The following SIRPG variants were observed in gnomAD, a reference collection of about 807,000 sequenced individuals.
The protein encoded by SIRPG is signal-regulatory protein gamma.
SIRPG carries 38 observed loss-of-function variants against 35.7 expected under a neutral mutation model. The ratio of observed to expected loss-of-function variants is 1.06; its 90% CI spans 0.82 to 1.40. SIRPG has a LOEUF of 1.40. Ranked by LOEUF, SIRPG falls within the 40% of genes most tolerant of loss-of-function variation. The probability of loss-of-function intolerance (pLI) is 0.00; values close to 1 mark genes in which losing one functional copy is unlikely to be tolerated. For synonymous variants in SIRPG, 215 were observed against 190.4 expected (o/e 1.13, Z -1.06); for missense variants, 519 against 483.0 (o/e 1.07, Z -0.70).
the SIRPG span, among the ~76,000 whole-genome samples, chr20:1,677,064 G>T: frequency 2.1e-5 from 3 of 144,248 alleles, no homozygotes; most frequent in African/African-American, 8.8e-5. Context: ...GTTGTGACAT[G>T]AGACTGTATT....
intron 4 of SIRPG, among the ~76,000 whole-genome samples, chr20:1,630,998 C>G (rs971196514): frequency 2.6e-5 from 4 of 152,212 alleles, no homozygotes; most frequent in Non-Finnish European, 5.9e-5. Context: ...CAGATGTCAC[C>G]TAGGCCACCT....
chr20:1,630,354 G>T (rs1029412889), intron 4 of SIRPG, 48 bp from the exon 5 acceptor site: 13 of 1,451,426 alleles, frequency 9.0e-6, no homozygotes, highest in Non-Finnish European at 1.1e-5. Flanking sequence ...CACTTGGGAG[G>T]CCATTGTAGG....
intron 2 of SIRPG, among the ~76,000 whole-genome samples, chr20:1,648,683 C>T (rs1339890921): frequency 1.3e-5 from 2 of 151,988 alleles, no homozygotes; most frequent in African/African-American, 2.4e-5. Context: ...TATACTTGGC[C>T]AGCCTGAGAG....
intron 1 of SIRPG, among the ~76,000 whole-genome samples, chr20:1,655,850 A>C (rs932181644): frequency 1.3e-5 from 2 of 152,122 alleles, no homozygotes; most frequent in African/African-American, 4.8e-5. Context: ...TGAAAATAGA[A>C]AGAGAACCAA....
At chr20:1,639,502 T>A (rs1313323240) in intron 2 of SIRPG, among the ~76,000 whole-genome samples, 1 of 152,222 alleles carries the variant, frequency 6.6e-6, no homozygotes. Flanking sequence ...TTTAAGTTCC[T>A]TGTAGATTCT....
At chr20:1,666,923 T>G in the SIRPG span, among the ~76,000 whole-genome samples, 1 of 152,316 alleles carries the variant, frequency 6.6e-6, no homozygotes, top group Non-Finnish European at 1.5e-5. Flanking sequence ...CTTACTTTTT[T>G]TTTTTGGACA....
chr20:1,657,319 G>C (rs374433615), intron 1 of SIRPG, among the ~76,000 whole-genome samples: 8 of 152,188 alleles, frequency 5.3e-5, no homozygotes, highest in East Asian at 1.9e-4. Context: ...TCTTAAAGAG[G>C]AGGAGGGCAC....
the SIRPG span, among the ~76,000 whole-genome samples, chr20:1,672,283 A>G: frequency 6.6e-6 from 1 of 152,254 alleles, no homozygotes; most frequent in East Asian, 1.9e-4. Flanking sequence ...TCGTGAATAC[A>G]CCGAGATCTC....
the SIRPG span, among the ~76,000 whole-genome samples, chr20:1,678,710 C>A: frequency 1.1e-4 from 16 of 152,266 alleles, no homozygotes; most frequent in South Asian, 1.7e-3. Context: ...ATACATGAAT[C>A]TACAAGCTTA....
the SIRPG span, among the ~76,000 whole-genome samples, chr20:1,684,364 A>G: frequency 6.0e-4 from 90 of 150,308 alleles, 1 homozygote; most frequent in African/African-American, 2.2e-3. Context: ...GTGAAATCTT[A>G]TGTACATGTA....
intron 1 of SIRPG, among the ~76,000 whole-genome samples, chr20:1,654,496 G>A (rs1600227328): frequency 6.6e-6 from 1 of 152,164 alleles, no homozygotes; most frequent in African/African-American, 2.4e-5. Context: ...TCCATGTGTA[G>A]GGGAATGAAA....
the SIRPG span, among the ~76,000 whole-genome samples, chr20:1,678,380 CA>C: frequency 6.6e-6 from 1 of 151,774 alleles, no homozygotes; most frequent in Non-Finnish European, 1.5e-5. Flanking sequence ...AGAACTGTAA[CA>C]AAGAGAAATT....
the SIRPG span, among the ~76,000 whole-genome samples, chr20:1,685,167 A>C: frequency 1.3e-5 from 2 of 152,144 alleles, no homozygotes; most frequent in African/African-American, 4.8e-5. Flanking sequence ...CTGCACCAGG[A>C]AAGGTCTTCC....
the SIRPG span, chr20:1,671,121 C>G: frequency 2.3e-6 from 1 of 428,480 alleles, no homozygotes; most frequent in South Asian, 1.9e-5. Flanking sequence ...AGCCGTGGGA[C>G]TCACAGGTGA....
chr20:1,638,196 G>C (rs1003620818), intron 2 of SIRPG, among the ~76,000 whole-genome samples: 3 of 152,130 alleles, frequency 2.0e-5, no homozygotes, highest in Admixed American at 2.0e-4. Flanking sequence ...GCCTTGAGGG[G>C]GTCCTCGTGT....
the SIRPG span, among the ~76,000 whole-genome samples, chr20:1,675,791 C>G: frequency 6.6e-6 from 1 of 152,204 alleles, no homozygotes; most frequent in Admixed American, 6.5e-5. Flanking sequence ...TTTATTTTCA[C>G]AATGAAAATC....
At chr20:1,667,460 C>G in the SIRPG span, among the ~76,000 whole-genome samples, 1 of 152,130 alleles carries the variant, frequency 6.6e-6, no homozygotes, top group Non-Finnish European at 1.5e-5. Context: ...AAGAGACACA[C>G]AGCAAAGGAA....
chr20:1,649,808 T>C (rs2091927100), intron 1 of SIRPG, among the ~76,000 whole-genome samples: 1 of 149,482 alleles, frequency 6.7e-6, no homozygotes, highest in African/African-American at 2.5e-5. Context: ...GGTTAAGCTT[T>C]GTATTTTTGC....
chr20:1,649,825 A>C (rs2091927269), intron 1 of SIRPG, among the ~76,000 whole-genome samples: 1 of 150,020 alleles, frequency 6.7e-6, no homozygotes, highest in African/African-American at 2.4e-5. Flanking sequence ...TTGCAGAAAC[A>C]GGTCACACCA....
Sources: allele counts gnomAD v4.1 joint callset (sites outside exome capture counted in the v4.1 genomes callset), GRCh38; gene constraint gnomAD v4.1.1; transcripts MANE v1.5; gene names NCBI Gene and HGNC (gene_info 2026-07-23, HGNC 2026-07-21).